The following MYO7A variants were observed in gnomAD, a reference collection of about 807,000 sequenced individuals.
MYO7A encodes unconventional myosin-VIIa.
In MYO7A, 210 loss-of-function variants were observed where a neutral mutation model predicts 263.8. The ratio of observed to expected loss-of-function variants is 0.80; its 90% CI spans 0.71 to 0.89. MYO7A has a LOEUF of 0.89. Ranked by LOEUF, MYO7A falls within the 40% of genes least tolerant of loss-of-function variation. The pLI, the probability that MYO7A is intolerant of heterozygous loss-of-function variation, is 0.00. For synonymous variants in MYO7A, 1,239 were observed against 1,197.3 expected (o/e 1.03, Z -0.72); for missense variants, 2,820 against 2,968.3 (o/e 0.95, Z 1.16).
intron 4 of MYO7A, among the ~76,000 whole-genome samples, chr11:77,151,952 A>T (rs1179586300): frequency 6.6e-6 from 1 of 151,958 alleles, no homozygotes; most frequent in African/African-American, 2.4e-5. Flanking sequence ...CCTACCCCCC[A>T]CACATCTGCT....
rs1261771810 is a variant in MYO7A, at chr11:77,174,835, AC to A, written c.2019del (p.Ile674SerfsTer6). On this transcript the variant is annotated frameshift_variant, in exon 17 of 49. Transcript: ENST00000409709. LOFTEE classifies it high-confidence loss of function. ...ACCATCCGAATCCGCCGAGCTGGCT[AC>A]CCCATCCGCTACAGCTTCGTAGAGT... ...METIRIRRAGYPIRYSFVEFV... is the reference protein window; with the variant it reads ...METIRIRRAGXPIRYSFVEFV... 6.2e-7 allele frequency: 1 copy of A among 1,613,274 alleles called. No individual in the cohort carries two copies. The highest frequency in any genetic ancestry group is 1.3e-5 in the African/African-American group (1 of 74,912).
rs75100109 is a variant in MYO7A at position 77,149,911 on chromosome 11, G to C, written c.285+1961G>C. ...GAACTCGAGCCCAGGGCACCCACCCGCCGTATCTCACAGGGACCCGCTGGT... is the reference window on the plus strand; with the variant it reads ...GAACTCGAGCCCAGGGCACCCACCCCCCGTATCTCACAGGGACCCGCTGGT... On this transcript the variant is annotated intron_variant, in intron 4 of 48. Coordinates refer to ENST00000409709, the MANE Select transcript of MYO7A (RefSeq NM_000260.4). Among the ~76,000 whole-genome samples the C allele has an allele frequency of 6.9e-3, 1,056 of 152,204 alleles. 18 individuals carry two copies. The highest frequency in any genetic ancestry group is 0.024 in the African/African-American group (1,017 of 41,514).
intron 2 of MYO7A, among the ~76,000 whole-genome samples, chr11:77,131,995 G>T (rs1950779322): frequency 6.6e-6 from 1 of 152,076 alleles, no homozygotes. Flanking sequence ...AAGATTAAAA[G>T]CCTCTTTTCC....
At chr11:77,146,193 C>G (rs1951553469) in intron 3 of MYO7A, among the ~76,000 whole-genome samples, 1 of 152,174 alleles carries the variant, frequency 6.6e-6, no homozygotes. Flanking sequence ...GTCACAGAGG[C>G]CTTTGGGGAC....
intron 26 of MYO7A, among the ~76,000 whole-genome samples, chr11:77,183,704 C>A (rs1555086427): frequency 6.6e-6 from 1 of 152,058 alleles, no homozygotes; most frequent in Non-Finnish European, 1.5e-5. Context: ...GGGCCAGGCC[C>A]CCATCCCCAC....
intron 31 of MYO7A, 39 bp downstream of exon 31, chr11:77,192,317 C>T (rs368652024): frequency 1.3e-5 from 20 of 1,585,308 alleles, no homozygotes; most frequent in South Asian, 2.2e-5. Context: ...TGGCTTGGCT[C>T]ACAGCCTCCT....
At position 77,156,927 on chromosome 11, in the gene MYO7A, C is replaced by T. The variant is rs781857167; in HGVS notation, c.658C>T (p.His220Tyr). The T allele has an allele frequency of 2.9e-5, 46 of 1,613,926 alleles. No individual in the cohort carries two copies. The highest frequency in any genetic ancestry group is 3.9e-5 in the Non-Finnish European group (46 of 1,179,906). ...CCGTTTCGGAAAGTACATCGACATC[C>T]ACTTCAACAAGCGGGGCGCCATCGA... Reference protein sequence around the residue: ...SSRFGKYIDIHFNKRGAIEGA... With the variant: ...SSRFGKYIDIYFNKRGAIEGA... Residue 220 changes from histidine to tyrosine, a missense_variant, in exon 7 of 49, where the codon CAC becomes TAC. Physicochemically the swap from His to Tyr is moderately conservative, Grantham distance 83 (BLOSUM62 2). Transcript: ENST00000409709.
chr11:77,196,382 G>A (rs1461023623), intron 32 of MYO7A, among the ~76,000 whole-genome samples: 2 of 150,206 alleles, frequency 1.3e-5, no homozygotes, highest in Admixed American at 6.6e-5. Flanking sequence ...AAAAAAAAAG[G>A]AGCTTATCTC....
chr11:77,199,955 A>C, intron 35 of MYO7A, 137 bp downstream of exon 35: 1 of 984,920 alleles, frequency 1.0e-6, no homozygotes, highest in South Asian at 2.0e-5. Context: ...TTTGGCTCAC[A>C]GTTCTGCAGG....
Position 77,214,812 on chromosome 11 carries a change from C to A in MYO7A, c.*116C>A. On this transcript the variant is annotated 3_prime_UTR_variant, in exon 49 of 49. Transcript: ENST00000409709. Reference sequence around the variant, plus strand: ...ATGCCATCCCGGCAGCGAGGCTGGGCTGGCCAGCCACCACTGACTATACCA... The same window carrying A: ...ATGCCATCCCGGCAGCGAGGCTGGGATGGCCAGCCACCACTGACTATACCA... 2 of 852,222 alleles carry A rather than the reference C, an allele frequency of 2.3e-6. No homozygotes were observed. The highest frequency in any genetic ancestry group is 3.7e-6 in the Non-Finnish European group (2 of 544,808). The allele number at this position is 852,222 out of a possible 1,614,324, so 52.8% of individuals were successfully genotyped here.
intron 28 of MYO7A, 110 bp downstream of exon 28, chr11:77,189,580 C>T: frequency 6.9e-7 from 1 of 1,455,918 alleles, no homozygotes; most frequent in Non-Finnish European, 9.3e-7. Context: ...CAAGGCCCAC[C>T]CGGCCACTCC....
At position 77,181,768 on chromosome 11, in the gene MYO7A, TTTTTTTTTTTG is replaced by T. The variant is rs1236314339; in HGVS notation, c.2905-172_2905-162del. 0.011 allele frequency among the ~76,000 whole-genome samples: 397 copies of T among 34,912 alleles called. 2 individuals carry two copies. Among genetic ancestry groups the T allele is most frequent in the African/African-American group, 0.054 (383 of 7,124 alleles). The allele number at this position is 34,912 out of a possible 152,430, so 22.9% of individuals were successfully genotyped here. A position where few individuals can be genotyped will look rare whatever the true frequency, so the allele number is the denominator to read the frequency against. On this transcript the variant is annotated intron_variant, in intron 23 of 48. Coordinates refer to ENST00000409709, the MANE Select transcript of MYO7A (RefSeq NM_000260.4). ...GTCCCTCTCCAACGCCCTTCTCAAG[TTTTTTTTTTTG>T]TTTTTTTTTTTTTTTTTTTTTTTGA...
intron 19 of MYO7A, 115 bp from the exon 20 acceptor site, chr11:77,178,930 T>C: frequency 1.3e-6 from 1 of 771,106 alleles, no homozygotes; most frequent in East Asian, 2.7e-5. Flanking sequence ...TTGCCCAAGG[T>C]CATATAGCTA....
intron 13 of MYO7A, 66 bp downstream of exon 13, chr11:77,162,396 C>A: frequency 6.9e-7 from 1 of 1,449,364 alleles, no homozygotes; most frequent in Non-Finnish European, 9.5e-7. Context: ...CTGCTTTGAG[C>A]CCCGGCTTTC....
At chr11:77,169,061 G>A (rs782496356) in intron 15 of MYO7A, among the ~76,000 whole-genome samples, 29 of 152,224 alleles carry the variant, frequency 1.9e-4, no homozygotes, top group African/African-American at 6.5e-4. Context: ...CTAGAAACAC[G>A]ATGGCTTTTT....
In MYO7A at chr11:77,161,128, G is replaced by A. The variant is rs781960010; in HGVS notation, c.1343+13G>A. 4 of 1,613,142 alleles carry A rather than the reference G, an allele frequency of 2.5e-6. No homozygotes were observed. The highest frequency in any genetic ancestry group is 3.4e-6 in the Non-Finnish European group (4 of 1,179,166). On this transcript the variant is annotated intron_variant, in intron 12 of 48. Coordinates refer to ENST00000409709, the MANE Select transcript of MYO7A (RefSeq NM_000260.4). ...TTGCTGTGAACAGGTACCGCGTGGGGCTCTGCTCATGGGAATTTCCTTCCC... is the reference window on the plus strand; with the variant it reads ...TTGCTGTGAACAGGTACCGCGTGGGACTCTGCTCATGGGAATTTCCTTCCC...
At chr11:77,156,467 G>T (rs573147674) in intron 5 of MYO7A, among the ~76,000 whole-genome samples, 193 bp from the exon 6 acceptor site, 33 of 152,332 alleles carry the variant, frequency 2.2e-4, no homozygotes, top group African/African-American at 7.5e-4. Context: ...AGGTGTATTT[G>T]TATCTGAACG....
intron 45 of MYO7A, 77 bp downstream of exon 45, chr11:77,211,414 C>A (rs563555745): frequency 4.9e-6 from 7 of 1,432,842 alleles, no homozygotes; most frequent in African/African-American, 1.4e-5. Context: ...AGGGGGCAGA[C>A]ACTGGCCAGC....
At chr11:77,188,821 C>T (rs1555089830) in intron 27 of MYO7A, among the ~76,000 whole-genome samples, 2 of 152,204 alleles carry the variant, frequency 1.3e-5, no homozygotes, top group Non-Finnish European at 2.9e-5. Flanking sequence ...TCACACATTA[C>T]AGAAATATAC....
Sources: gnomAD v4.1 joint callset for allele counts (sites outside exome capture counted in the v4.1 genomes callset) on GRCh38, gnomAD v4.1.1 for gene constraint, MANE v1.5 for transcripts, NCBI Gene and HGNC (gene_info 2026-07-23, HGNC 2026-07-21) for gene names.